Variants in RAP1A observed in about 807,000 individuals in gnomAD.
RAP1A encodes ras-related protein Rap-1A.
A neutral mutation model predicts 26.4 loss-of-function variants in RAP1A; 6 were observed. That is an observed-to-expected ratio of 0.23 (90% CI 0.12 to 0.45). RAP1A has a LOEUF of 0.45. Ranked by LOEUF, RAP1A falls within the 20% of genes least tolerant of loss-of-function variation. RAP1A has a pLI of 0.99. For missense variants in RAP1A, 121 were observed against 217.2 expected, an observed-to-expected ratio of 0.56 and a Z score of 2.78; for synonymous variants, 73 against 79.4, an observed-to-expected ratio of 0.92 and a Z score of 0.43.
intron 7 of RAP1A, among the ~76,000 whole-genome samples, chr1:111,712,160 A>G (rs1315841896): frequency 6.6e-6 from 1 of 152,156 alleles, no homozygotes; most frequent in Non-Finnish European, 1.5e-5. Flanking sequence ...AAACACTATA[A>G]TTGAGTATAA....
At chr1:111,583,545 T>A (rs919529820) in intron 1 of RAP1A, among the ~76,000 whole-genome samples, 1 of 152,068 alleles carries the variant, frequency 6.6e-6, no homozygotes, top group Non-Finnish European at 1.5e-5. Context: ...TCTACTCCAG[T>A]TTATTTTTAA....
intron 1 of RAP1A, among the ~76,000 whole-genome samples, chr1:111,671,079 T>C (rs574226399): frequency 6.6e-6 from 1 of 152,338 alleles, no homozygotes; most frequent in African/African-American, 2.4e-5. Flanking sequence ...CAGTAGAATA[T>C]GTGTTCCCTT....
At chr1:111,553,406 T>A (rs990793400) in intron 1 of RAP1A, among the ~76,000 whole-genome samples, 1 of 152,216 alleles carries the variant, frequency 6.6e-6, no homozygotes. Flanking sequence ...GCTGCCACTA[T>A]GCTATGATTA....
chr1:111,688,097 C>CT (rs542315869), intron 1 of RAP1A, among the ~76,000 whole-genome samples: 58,324 of 124,026 alleles, frequency 0.47, 13,937 homozygotes, highest in East Asian at 0.68. Flanking sequence ...TTGCCTCCAG[C>CT]TTTTTTTTTT....
intron 1 of RAP1A, among the ~76,000 whole-genome samples, chr1:111,688,802 G>GTT (rs1314370063): frequency 8.0e-6 from 1 of 125,784 alleles, no homozygotes. Context: ...ATGGGTTTTT[G>GTT]TTTTTGTTTT....
intron 1 of RAP1A, among the ~76,000 whole-genome samples, chr1:111,574,706 A>T (rs1243907955): frequency 6.6e-6 from 1 of 152,244 alleles, no homozygotes; most frequent in Non-Finnish European, 1.5e-5. Context: ...GGCTAAAACT[A>T]GTAAAGTCCC....
chr1:111,656,118 G>A (rs889973314), intron 1 of RAP1A, among the ~76,000 whole-genome samples: 16 of 151,852 alleles, frequency 1.1e-4, no homozygotes, highest in African/African-American at 3.4e-4. Context: ...AAAACACTTT[G>A]ACATGCCCAG....
At chr1:111,644,830 G>A (rs1462450404) in intron 1 of RAP1A, among the ~76,000 whole-genome samples, 3 of 152,096 alleles carry the variant, frequency 2.0e-5, no homozygotes, top group African/African-American at 7.2e-5. Flanking sequence ...AAATTTTGGG[G>A]CCACATATTG....
intron 4 of RAP1A, among the ~76,000 whole-genome samples, chr1:111,703,052 C>T (rs1421869689): frequency 6.6e-6 from 1 of 152,094 alleles, no homozygotes; most frequent in Non-Finnish European, 1.5e-5. Context: ...CATAAATTTG[C>T]AAATAAAATT....
chr1:111,563,940 G>T, intron 1 of RAP1A: 1 of 1,613,542 alleles, frequency 6.2e-7, no homozygotes. Context: ...GGTCCTGCTG[G>T]AGACCCTTCC....
At chr1:111,620,104 G>A (rs1659142177) in intron 1 of RAP1A, among the ~76,000 whole-genome samples, 170 bp downstream of exon 1, 1 of 152,064 alleles carries the variant, frequency 6.6e-6, no homozygotes. Flanking sequence ...CCGGCGGGAG[G>A]GGCCGGAGAT....
chr1:111,682,906 T>G (rs898927841), intron 1 of RAP1A, among the ~76,000 whole-genome samples: 3 of 152,140 alleles, frequency 2.0e-5, no homozygotes, highest in African/African-American at 7.2e-5. Context: ...TATTCTAAAA[T>G]TGACCACATA....
At chr1:111,704,810 A>G (rs1662135206) in intron 6 of RAP1A, among the ~76,000 whole-genome samples, 1 of 152,258 alleles carries the variant, frequency 6.6e-6, no homozygotes, top group Non-Finnish European at 1.5e-5. Context: ...TGTAATAATT[A>G]TTTACCCAAA....
intron 1 of RAP1A, among the ~76,000 whole-genome samples, chr1:111,597,725 C>T (rs1003721730): frequency 6.6e-6 from 1 of 152,166 alleles, no homozygotes; most frequent in African/African-American, 2.4e-5. Context: ...GAGAAATATA[C>T]ACCTAGAACA....
chr1:111,588,136 G>A (rs2101064849), intron 1 of RAP1A, among the ~76,000 whole-genome samples: 1 of 152,246 alleles, frequency 6.6e-6, no homozygotes, highest in Admixed American at 6.5e-5. Flanking sequence ...CAGGTGTCAA[G>A]CCATGCACAC....
intron 1 of RAP1A, among the ~76,000 whole-genome samples, chr1:111,590,991 T>C (rs531315345): frequency 6.6e-6 from 1 of 152,344 alleles, no homozygotes; most frequent in Non-Finnish European, 1.5e-5. Flanking sequence ...TTTGGCAGAA[T>C]TGCTTATAAA....
intron 1 of RAP1A, among the ~76,000 whole-genome samples, chr1:111,659,411 A>G (rs1275589524): frequency 1.3e-5 from 2 of 152,160 alleles, no homozygotes; most frequent in Non-Finnish European, 2.9e-5. Flanking sequence ...GCAAAAAGCA[A>G]AACTATGGAT....
At chr1:111,654,871 T>G (rs1254184497) in intron 1 of RAP1A, among the ~76,000 whole-genome samples, 3 of 151,332 alleles carry the variant, frequency 2.0e-5, no homozygotes, top group African/African-American at 7.3e-5. Flanking sequence ...TTCTAAACTT[T>G]GATTTAAATG....
chr1:111,592,759 T>C (rs1259639475), intron 1 of RAP1A, among the ~76,000 whole-genome samples: 1 of 152,172 alleles, frequency 6.6e-6, no homozygotes, highest in Non-Finnish European at 1.5e-5. Context: ...AGTCCTAGCT[T>C]TGACAACAGC....
Sources: allele counts gnomAD v4.1 joint callset (sites outside exome capture counted in the v4.1 genomes callset), GRCh38; gene constraint gnomAD v4.1.1; transcripts MANE v1.5; gene names NCBI Gene and HGNC (gene_info 2026-07-23, HGNC 2026-07-21).